Variants in NFIB observed in about 807,000 individuals in gnomAD.
The protein encoded by NFIB is nuclear factor 1 B-type.
Under a neutral mutation model 61.5 loss-of-function variants are expected in NFIB, and 11 were observed. That is an observed-to-expected ratio of 0.18 (90% CI 0.11 to 0.30). NFIB has a LOEUF of 0.30. NFIB is among the 10% of genes least tolerant of loss of function. The pLI, the probability that NFIB is intolerant of heterozygous loss-of-function variation, is 1.00. For synonymous variants in NFIB, 260 were observed against 216.5 expected (o/e 1.20, Z -1.76); for missense variants, 471 against 608.9 (o/e 0.77, Z 2.38).
chr9:14,128,217 T>C (rs1453758614), intron 6 of NFIB, among the ~76,000 whole-genome samples: 1 of 152,156 alleles, frequency 6.6e-6, no homozygotes, highest in Non-Finnish European at 1.5e-5. Flanking sequence ...TTATAGATGA[T>C]GCAATCACTT....
At chr9:14,403,142 G>T (rs1351299960), upstream of NFIB, among the ~76,000 whole-genome samples, 2 of 152,084 alleles carry the variant, frequency 1.3e-5, no homozygotes, top group Middle Eastern at 3.2e-3. Context: ...CTTTATCCCA[G>T]CCCCTTTTCA....
At chr9:14,426,203 G>A in the NFIB span, among the ~76,000 whole-genome samples, 175 of 151,968 alleles carry the variant, frequency 1.2e-3, no homozygotes, top group Non-Finnish European at 2.1e-3. Flanking sequence ...AAATCAGAGC[G>A]CTCTGTTCAT....
At chr9:14,413,752 T>C in the NFIB span, among the ~76,000 whole-genome samples, 1 of 152,118 alleles carries the variant, frequency 6.6e-6, no homozygotes, top group African/African-American at 2.4e-5. Context: ...TTAATATCAT[T>C]CCAGGATGCA....
At chr9:14,152,269 A>G (rs1025544677) in intron 4 of NFIB, among the ~76,000 whole-genome samples, 1 of 152,150 alleles carries the variant, frequency 6.6e-6, no homozygotes, top group Non-Finnish European at 1.5e-5. Flanking sequence ...CTTGTATCCA[A>G]TGAGTAACTA....
Position 14,313,842 on chromosome 9 carries a change from A to T in NFIB, c.-331T>A. The T allele has an allele frequency of 3.2e-6, 4 of 1,240,872 alleles. No individual in the cohort carries two copies. Among genetic ancestry groups the T allele is most frequent in the South Asian group, 2.0e-5 (1 of 48,902 alleles). 76.9% of individuals were successfully genotyped at this position (1,240,872 alleles called of 1,614,324 possible). On this transcript the variant is annotated 5_prime_UTR_variant, in exon 1 of 11. Coordinates refer to ENST00000380953, the MANE Select transcript of NFIB (RefSeq NM_001190737.2). The surrounding 1 kb of genome is among the most constrained non-coding windows in gnomAD (Gnocchi z 4.5). ...GCCTGGGTTTGGGGATTTGTTTTCT[A>T]TTTTGCAGTTGTTGTTGTTGTTGGG...
In NFIB at chr9:14,238,254, C is replaced by A. The variant is rs567484897; in HGVS notation, c.563-58474G>T. 2.6e-5 allele frequency among the ~76,000 whole-genome samples: 4 copies of A among 152,136 alleles called. No individual in the cohort carries two copies. The South Asian group carries it at 8.3e-4, about 32-fold the overall frequency. On this transcript the variant is annotated intron_variant, in intron 2 of 10. Coordinates refer to ENST00000380953, the MANE Select transcript of NFIB (RefSeq NM_001190737.2). ...TACTGGAGGGATGGTAGTATTGCTG[C>A]TACTGAAAGGGCAGGCAGAGTGACT... is the stretch of plus-strand genomic sequence containing the variant.
intron 1 of NFIB, among the ~76,000 whole-genome samples, chr9:14,383,486 A>G (rs1189125800): frequency 1.3e-5 from 2 of 152,200 alleles, no homozygotes; most frequent in African/African-American, 4.8e-5. Context: ...ACCTGCCAGC[A>G]TGGTTTGCAT....
chr9:14,500,252 C>T, the NFIB span, among the ~76,000 whole-genome samples: 1 of 152,212 alleles, frequency 6.6e-6, no homozygotes, highest in Non-Finnish European at 1.5e-5. Context: ...GGAAGCCTGG[C>T]TTCTTAGCCT....
chr9:14,299,562 A>C (rs1433654142), intron 2 of NFIB, among the ~76,000 whole-genome samples: 2 of 152,190 alleles, frequency 1.3e-5, no homozygotes, highest in Non-Finnish European at 2.9e-5. Flanking sequence ...TTCCATTTTC[A>C]ACTGGTTTAT....
At chr9:14,491,775 G>A in the NFIB span, among the ~76,000 whole-genome samples, 4 of 151,932 alleles carry the variant, frequency 2.6e-5, no homozygotes, top group East Asian at 1.9e-4. Context: ...CCAAAATAAC[G>A]ATGAGATGTG....
At chr9:14,504,903 G>T in the NFIB span, among the ~76,000 whole-genome samples, 3 of 152,252 alleles carry the variant, frequency 2.0e-5, no homozygotes, top group Admixed American at 2.0e-4. Context: ...CATCCTTGTT[G>T]TGTTCCAGTT....
chr9:14,455,835 A>T, the NFIB span, among the ~76,000 whole-genome samples: 1 of 152,330 alleles, frequency 6.6e-6, no homozygotes, highest in East Asian at 1.9e-4. Context: ...GGAACATTCT[A>T]AAAAAGAATT....
chr9:14,274,669 T>C (rs1230751470), intron 2 of NFIB, among the ~76,000 whole-genome samples: 1 of 152,190 alleles, frequency 6.6e-6, no homozygotes, highest in Non-Finnish European at 1.5e-5. Flanking sequence ...ATCACCAGCA[T>C]TCCTGGGATC....
intron 1 of NFIB, among the ~76,000 whole-genome samples, chr9:14,384,263 A>G (rs1290295622): frequency 6.6e-6 from 1 of 152,188 alleles, no homozygotes; most frequent in Non-Finnish European, 1.5e-5. Context: ...GTTGTGCTCC[A>G]AATAGAAAGA....
intron 2 of NFIB, among the ~76,000 whole-genome samples, chr9:14,247,266 C>T (rs1345163579): frequency 3.3e-5 from 5 of 152,296 alleles, no homozygotes; most frequent in African/African-American, 1.2e-4. Flanking sequence ...TGGTATGATG[C>T]ACAATGTATT....
chr9:14,462,397 C>G, the NFIB span, among the ~76,000 whole-genome samples: 1 of 151,998 alleles, frequency 6.6e-6, no homozygotes, highest in East Asian at 1.9e-4. Flanking sequence ...ATTCTCCTGC[C>G]TCAGCCTCCC....
At chr9:14,458,530 G>A in the NFIB span, among the ~76,000 whole-genome samples, 7 of 152,156 alleles carry the variant, frequency 4.6e-5, no homozygotes, top group Non-Finnish European at 1.0e-4. Flanking sequence ...AATCATGCAG[G>A]AGAAGGAAAT....
At chr9:14,124,003 T>C (rs1257070760) in intron 7 of NFIB, among the ~76,000 whole-genome samples, 1 of 152,176 alleles carries the variant, frequency 6.6e-6, no homozygotes, top group Non-Finnish European at 1.5e-5. Flanking sequence ...TCTAGTCATG[T>C]TCAGATTAGA....
At position 14,088,203 on chromosome 9, in the gene NFIB, G is replaced by T; in HGVS notation, c.*106C>A. 6.6e-7 allele frequency: 1 copy of T among 1,523,256 alleles called. No individual in the cohort carries two copies. The highest frequency in any genetic ancestry group is 8.8e-7 in the Non-Finnish European group (1 of 1,130,734). The allele number at this position is 1,523,256 out of a possible 1,614,324, so 94.4% of individuals were successfully genotyped here. A position where few individuals can be genotyped will look rare whatever the true frequency, so the allele number is the denominator to read the frequency against. ...TGTTGTGTTTCTTTTTCCCTCAGTT[G>T]CTTGTTTCTGCTTGAAGGAAAGGTT... On this transcript the variant is annotated 3_prime_UTR_variant, in exon 11 of 11. Transcript: ENST00000380953.
Sources: allele counts gnomAD v4.1 joint callset (sites outside exome capture counted in the v4.1 genomes callset), GRCh38; gene constraint gnomAD v4.1.1; non-coding constraint Gnocchi (gnomAD v3.1); transcripts MANE v1.5; gene names NCBI Gene and HGNC (gene_info 2026-07-23, HGNC 2026-07-21).